Variants in OPRD1 observed in about 807,000 individuals in gnomAD.
OPRD1 encodes the protein delta-type opioid receptor.
A neutral mutation model predicts 17.5 loss-of-function variants in OPRD1; 19 were observed. The observed-to-expected ratio is 1.09, with a 90% confidence interval of 0.76 to 1.60. The LOEUF (loss-of-function observed/expected upper bound fraction) is 1.60, where lower values mean the gene tolerates loss of function less well. OPRD1 is among the 40% of genes most tolerant of loss of function. The probability of loss-of-function intolerance (pLI) is 0.00; values close to 1 mark genes in which losing one functional copy is unlikely to be tolerated. For missense variants in OPRD1, 483 were observed against 547.2 expected, an observed-to-expected ratio of 0.88 and a Z score of 1.17; for synonymous variants, 256 against 240.9, an observed-to-expected ratio of 1.06 and a Z score of -0.58.
intron 1 of OPRD1, among the ~76,000 whole-genome samples, chr1:28,844,919 A>AT (rs1004162588): frequency 4.0e-5 from 6 of 150,982 alleles, no homozygotes; most frequent in African/African-American, 9.7e-5. Context: ...TAATTTTTGT[A>AT]TTTTTTTGTA....
Position 28,812,567 on chromosome 1 carries a change from G to T in OPRD1, c.184G>T (p.Val62Leu), listed in dbSNP as rs1162968068. 3.2e-6 allele frequency: 5 copies of T among 1,576,338 alleles called. No homozygotes were observed. In the East Asian group the frequency reaches 1.2e-4, roughly 38 times the overall value. Reference sequence around the variant, plus strand: ...CGCGCTCTACTCGGCCGTGTGCGCCGTGGGGCTGCTGGGCAACGTGCTTGT... The same window carrying T: ...CGCGCTCTACTCGGCCGTGTGCGCCTTGGGGCTGCTGGGCAACGTGCTTGT... ...ITALYSAVCAVGLLGNVLVMF... is the reference protein window; with the variant it reads ...ITALYSAVCALGLLGNVLVMF... Residue 62 changes from valine (V) to leucine (L), a missense_variant, in exon 1 of 3, where the codon GTG (valine) becomes TTG (leucine). By Grantham distance (32) the Val-to-Leu change is conservative. Transcript: ENST00000234961.
intron 1 of OPRD1, among the ~76,000 whole-genome samples, chr1:28,814,227 G>T (rs889582883): frequency 3.3e-5 from 5 of 152,150 alleles, no homozygotes; most frequent in Non-Finnish European, 7.4e-5. Context: ...GCTCTGCCAC[G>T]AACTGGCTCT....
At chr1:28,847,761 G>A (rs968465351) in intron 1 of OPRD1, among the ~76,000 whole-genome samples, 3 of 152,050 alleles carry the variant, frequency 2.0e-5, no homozygotes, top group Admixed American at 6.6e-5. Context: ...AGCCCAGAAG[G>A]CCAAAGCTAC....
At chr1:28,815,950 G>C (rs554127548) in intron 1 of OPRD1, among the ~76,000 whole-genome samples, 193 of 152,214 alleles carry the variant, frequency 1.3e-3, no homozygotes, top group Non-Finnish European at 2.0e-3. Flanking sequence ...CTGTGTACTC[G>C]GGCTAGTGAC....
rs1553150782 is a variant in OPRD1 at position 28,846,886 on chromosome 1, C to CTTTCTTTCTT, written c.228-12061_228-12060insCTTTTTCTTT. On this transcript the variant is annotated intron_variant, in intron 1 of 2. Coordinates refer to ENST00000234961, the MANE Select transcript of OPRD1 (RefSeq NM_000911.4). ...TCTTTCTTTCTTTCTTTCTTTCTTT[C>CTTTCTTTCTT]TTTCTTTTCTCTTTCTTTCTTTTTC... 1.1e-4 allele frequency among the ~76,000 whole-genome samples: 6 copies of CTTTCTTTCTT among 55,496 alleles called. No individual in the cohort carries two copies. The East Asian group carries it at 0.021, about 195-fold the overall frequency. The allele number at this position is 55,496 out of a possible 152,430, so 36.4% of individuals were successfully genotyped here. A position where few individuals can be genotyped will look rare whatever the true frequency, so the allele number is the denominator to read the frequency against.
chr1:28,846,846 T>TTTTCTTTCTTTCTTTCTTTC (rs1553150754), intron 1 of OPRD1, among the ~76,000 whole-genome samples: 117 of 76,938 alleles, frequency 1.5e-3, no homozygotes, highest in Middle Eastern at 5.6e-3. Context: ...TCTTTCTTTC[T>TTTTCTTTCTTTCTTTCTTTC]TTTCTTTCTT....
At chr1:28,843,109 A>T (rs1177879716) in intron 1 of OPRD1, among the ~76,000 whole-genome samples, 1 of 152,158 alleles carries the variant, frequency 6.6e-6, no homozygotes, top group African/African-American at 2.4e-5. Context: ...GAAATTACCA[A>T]CAAGGAAGCA....
chr1:28,841,063 A>G (rs760159188), intron 1 of OPRD1, among the ~76,000 whole-genome samples: 2 of 152,256 alleles, frequency 1.3e-5, no homozygotes, highest in Non-Finnish European at 2.9e-5. Flanking sequence ...ACCACACCTG[A>G]GAAAGACCTA....
chr1:28,838,545 C>G (rs1310553358), intron 1 of OPRD1, among the ~76,000 whole-genome samples: 1 of 152,126 alleles, frequency 6.6e-6, no homozygotes, highest in African/African-American at 2.4e-5. Flanking sequence ...CTGTGTCTCA[C>G]CCCCATGGTG....
chr1:28,814,060 G>A (rs986485949), intron 1 of OPRD1, among the ~76,000 whole-genome samples: 2 of 152,004 alleles, frequency 1.3e-5, no homozygotes, highest in Non-Finnish European at 2.9e-5. Context: ...AAAGAGTGGC[G>A]GGTACAAGAA....
intron 2 of OPRD1, 27 bp downstream of exon 2, chr1:28,859,330 A>G: frequency 6.3e-7 from 1 of 1,585,020 alleles, no homozygotes; most frequent in Non-Finnish European, 8.6e-7. Flanking sequence ...ACCATGGCAC[A>G]GGCCACTGAC....
intron 1 of OPRD1, among the ~76,000 whole-genome samples, chr1:28,816,666 C>T (rs2088673002): frequency 6.6e-6 from 1 of 152,090 alleles, no homozygotes; most frequent in East Asian, 1.9e-4. Flanking sequence ...CAGGTGGTCC[C>T]AAGGCAGAGC....
intron 1 of OPRD1, among the ~76,000 whole-genome samples, chr1:28,831,255 T>G (rs898896204): frequency 6.6e-6 from 1 of 152,176 alleles, no homozygotes; most frequent in East Asian, 1.9e-4. Context: ...CTCACACCTG[T>G]AAGCCCAGCA....
Position 28,859,185 on chromosome 1 carries a change from T to C in OPRD1, c.459T>C (p.Pro153=), listed in dbSNP as rs2089088190. 6.2e-7 allele frequency: 1 copy of C among 1,614,246 alleles called. No homozygotes were observed. The highest frequency in any genetic ancestry group is 8.5e-7 in the Non-Finnish European group (1 of 1,180,036). The change falls in exon 2 of 3, where the codon CCT becomes CCC. Residue 153 remains proline (P), a synonymous_variant. Coordinates refer to ENST00000234961, the MANE Select transcript of OPRD1 (RefSeq NM_000911.4). ...SVDRYIAVCH[P]VKALDFRTPA... is the part of the protein sequence containing the mutation. ...ACCGCTACATCGCTGTCTGCCACCC[T>C]GTCAAGGCCCTGGACTTCCGCACGC...
Position 28,859,303 on chromosome 1 carries a change from G to T in OPRD1, c.577G>T (p.Asp193Tyr). Residue 193 changes from aspartate (D) to tyrosine (Y), a missense_variant and splice_region_variant, in exon 2 of 3, where the codon GAC becomes TAC. Transcript: ENST00000234961. ...GGTCATGGCTGTGACCCGTCCCCGG[G>T]GTGAGTGAGTGAGTGCACCATGGCA... ...IMVMAVTRPR[D>Y]GAVVCMLQFP... 1 of 1,609,838 alleles carries T rather than the reference G, an allele frequency of 6.2e-7. No individual in the cohort carries two copies. Among genetic ancestry groups the T allele is most frequent in the Non-Finnish European group, 8.5e-7 (1 of 1,177,716 alleles).
chr1:28,829,152 A>G (rs589628), intron 1 of OPRD1, among the ~76,000 whole-genome samples: 4,004 of 152,218 alleles, frequency 0.026, 157 homozygotes, highest in African/African-American at 0.09. Flanking sequence ...AGCTGCCTTC[A>G]TCAGTGATCT....
At chr1:28,812,690 G>T (rs112827498) in intron 1 of OPRD1, 80 bp downstream of exon 1, 64,890 of 1,257,412 alleles carry the variant, frequency 0.052, 1,907 homozygotes, top group Middle Eastern at 0.08. Context: ...CCCCAAGCCC[G>T]TTCCCTGGAC....
At chr1:28,851,324 T>C (rs1239778416) in intron 1 of OPRD1, among the ~76,000 whole-genome samples, 1 of 152,170 alleles carries the variant, frequency 6.6e-6, no homozygotes, top group Non-Finnish European at 1.5e-5. Flanking sequence ...GAAAATTACT[T>C]CCAACCTACC....
chr1:28,859,437 C>A, intron 2 of OPRD1, 134 bp downstream of exon 2: 1 of 738,552 alleles, frequency 1.4e-6, no homozygotes, highest in Non-Finnish European at 2.2e-6. Context: ...TGATCAAGAT[C>A]AATGATGGTG....
Sources: allele counts gnomAD v4.1 joint callset (sites outside exome capture counted in the v4.1 genomes callset), GRCh38; gene constraint gnomAD v4.1.1; transcripts MANE v1.5; gene names NCBI Gene and HGNC (gene_info 2026-07-23, HGNC 2026-07-21).